Variants in RUFY2 observed in about 807,000 individuals in gnomAD.
The protein encoded by RUFY2 is RUN and FYVE domain-containing protein 2.
In RUFY2, 49 loss-of-function variants were observed where a neutral mutation model predicts 94.4. That is an observed-to-expected ratio of 0.52 (90% CI 0.41 to 0.66). The LOEUF (loss-of-function observed/expected upper bound fraction) is 0.66. RUFY2 is among the 30% of genes least tolerant of loss of function. The pLI is 0.00. For synonymous variants in RUFY2, 255 were observed against 235.7 expected (o/e 1.08, Z -0.75); for missense variants, 541 against 692.8 (o/e 0.78, Z 2.46).
intron 7 of RUFY2, 82 bp from the exon 8 acceptor site, chr10:68,386,210 T>G: frequency 8.8e-7 from 1 of 1,133,310 alleles, no homozygotes; most frequent in Non-Finnish European, 1.3e-6. Context: ...CTAGATTTAC[T>G]ATGTTTACTG....
chr10:68,390,497 C>T (rs1015150932), intron 7 of RUFY2, among the ~76,000 whole-genome samples: 1 of 152,066 alleles, frequency 6.6e-6, no homozygotes, highest in African/African-American at 2.4e-5. Context: ...GTATGGCCGC[C>T]ATGAGCCACA....
At chr10:68,379,033 T>C (rs576787974) in intron 12 of RUFY2, 2 of 274,494 alleles carry the variant, frequency 7.3e-6, no homozygotes, top group African/African-American at 4.5e-5. Context: ...GAATGCTTGA[T>C]TTCAGATAAA....
Position 68,403,968 on chromosome 10 carries a change from G to A in RUFY2, c.178+703C>T, listed in dbSNP as rs114777251. 8.2e-3 allele frequency among the ~76,000 whole-genome samples: 1,244 copies of A among 152,068 alleles called. 26 individuals are homozygous for A. Among genetic ancestry groups the A allele is most frequent in the African/African-American group, 0.028 (1,154 of 41,472 alleles). On this transcript the variant is annotated intron_variant, in intron 2 of 17. Coordinates refer to ENST00000602465, the MANE Select transcript of RUFY2 (RefSeq NM_001330103.2). ...CTGGGATTACAGGCATTAAGCCACCGTGTCTGGCCAGTCAAGCTTCTTTTA... is the reference window on the plus strand; with the variant it reads ...CTGGGATTACAGGCATTAAGCCACCATGTCTGGCCAGTCAAGCTTCTTTTA...
chr10:68,344,228 G>GA lies in RUFY2; in HGVS notation c.*1539dup, dbSNP rs978903265. The GA allele has an allele frequency of 5.3e-5, 8 of 152,162 alleles. No individual in the cohort carries two copies. Among genetic ancestry groups the GA allele is most frequent in the African/African-American group, 1.9e-4 (8 of 41,512 alleles). The allele number at this position is 152,162 out of a possible 1,614,324, so 9.4% of individuals were successfully genotyped here. On this transcript the variant is annotated 3_prime_UTR_variant, in exon 18 of 18. Transcript: ENST00000602465. Reference sequence around the variant, plus strand: ...ATTCATTTCATACTTAGGCTATTCAGAAAAATTTAAATTTCATGGAAGCAT... The same window carrying GA: ...ATTCATTTCATACTTAGGCTATTCAGAAAAAATTTAAATTTCATGGAAGCAT...
Position 68,407,191 on chromosome 10 carries a change from G to T in RUFY2, c.-2C>A, listed in dbSNP as rs1409888896. On this transcript the variant is annotated 5_prime_UTR_variant, in exon 1 of 18. Transcript: ENST00000602465. Reference sequence around the variant, plus strand: ...TTTCGGCCCGCTCGCCTTACCCATGGCGGCGGCGGCTGCGCGGTCTCGGGC... The same window carrying T: ...TTTCGGCCCGCTCGCCTTACCCATGTCGGCGGCGGCTGCGCGGTCTCGGGC... The T allele has an allele frequency of 1.4e-6, 2 of 1,399,332 alleles. No individual in the cohort carries two copies. Among genetic ancestry groups the T allele is most frequent in the East Asian group, 3.0e-5 (1 of 33,322 alleles). 86.7% of individuals were successfully genotyped at this position (1,399,332 alleles called of 1,614,324 possible).
chr10:68,347,461 T>C (rs994887464), intron 16 of RUFY2, among the ~76,000 whole-genome samples: 4 of 151,954 alleles, frequency 2.6e-5, no homozygotes, highest in African/African-American at 9.7e-5. Flanking sequence ...TTTTTGTATT[T>C]TTAGTAGAGA....
Position 68,384,048 on chromosome 10 carries a change from T to C in RUFY2, c.822+3A>G, listed in dbSNP as rs564826721. The C allele has an allele frequency of 4.3e-6, 7 of 1,610,308 alleles. No individual in the cohort carries two copies. The African/African-American group carries it at 8.0e-5, about 18-fold the overall frequency. ...TGTCTGCTTGAAAGCAGTCTATACT[T>C]ACCTCTAGGTGCTGCTGTGTTTTCA... On this transcript the variant is annotated splice_donor_region_variant and intron_variant, in intron 9 of 17. Transcript: ENST00000602465.
At chr10:68,347,003 C>T (rs2046322182) in intron 16 of RUFY2, among the ~76,000 whole-genome samples, 1 of 152,084 alleles carries the variant, frequency 6.6e-6, no homozygotes, top group South Asian at 2.1e-4. Context: ...CCCATAGTCC[C>T]AGCTACTCTG....
chr10:68,393,839 G>GT (rs1229670084), intron 6 of RUFY2: 45 of 733,062 alleles, frequency 6.1e-5, no homozygotes, highest in Non-Finnish European at 8.5e-5. Flanking sequence ...ATGGGTCTCA[G>GT]TAACTACAGG....
chr10:68,407,006 G>A (rs942685587), intron 1 of RUFY2, 180 bp downstream of exon 1: 2 of 1,498,972 alleles, frequency 1.3e-6, no homozygotes, highest in East Asian at 2.5e-5. Context: ...GAGGGGGCGC[G>A]TTGCCATGAC....
chr10:68,407,074 G>C (rs1478994242), intron 1 of RUFY2, 112 bp downstream of exon 1: 2 of 1,492,630 alleles, frequency 1.3e-6, no homozygotes, highest in South Asian at 1.3e-5. Context: ...TCGGGCCCCA[G>C]TTCCGACTGG....
At chr10:68,393,370 C>A (rs775646388) in intron 6 of RUFY2, among the ~76,000 whole-genome samples, 167 bp from the exon 7 acceptor site, 4 of 151,918 alleles carry the variant, frequency 2.6e-5, no homozygotes, top group African/African-American at 9.7e-5. Flanking sequence ...TATCTATAAC[C>A]TTTGTTGAAT....
chr10:68,394,913 G>A (rs1406775453), intron 4 of RUFY2, among the ~76,000 whole-genome samples: 2 of 151,996 alleles, frequency 1.3e-5, no homozygotes, highest in African/African-American at 2.4e-5. Flanking sequence ...ACAGGCGTGA[G>A]CCACCGCGCC....
rs758015935 is a variant in RUFY2, at chr10:68,345,990, C to T, written c.1677+17G>A. ...TTTGCACTCCAAATTTTTGGACTCA[C>T]TTCTTATCTCCCTTACCTTTCTCTT... On this transcript the variant is annotated intron_variant, in intron 17 of 17. Transcript: ENST00000602465. 7 of 1,612,720 alleles carry T rather than the reference C, an allele frequency of 4.3e-6. No homozygotes were observed. Among genetic ancestry groups the T allele is most frequent in the Non-Finnish European group, 5.9e-6 (7 of 1,179,384 alleles).
Position 68,381,317 on chromosome 10 carries a change from T to C in RUFY2, c.1022A>G (p.His341Arg), listed in dbSNP as rs768706746. The C allele has an allele frequency of 6.2e-7, 1 of 1,614,088 alleles. No individual in the cohort carries two copies. The highest frequency in any genetic ancestry group is 8.5e-7 in the Non-Finnish European group (1 of 1,179,968). Residue 341 changes from histidine to arginine, a missense_variant, in exon 11 of 18, where the codon CAT (histidine) becomes CGT (arginine). Around this residue, in one of 3 missense-constraint regions of RUFY2, gnomAD observed 403 missense variants for 480.7 expected, o/e 0.84. Coordinates refer to ENST00000602465, the MANE Select transcript of RUFY2 (RefSeq NM_001330103.2). ...LAMKLLEKDI[H>R]EKQDTLIGLR... Reference sequence around the variant, plus strand: ...GCCTATCAGAGTATCTTGTTTCTCATGGATATCTTTCTCCAGCAACTTCAT... The same window carrying C: ...GCCTATCAGAGTATCTTGTTTCTCACGGATATCTTTCTCCAGCAACTTCAT...
At chr10:68,391,060 G>T (rs564273780) in intron 7 of RUFY2, among the ~76,000 whole-genome samples, 2 of 150,858 alleles carry the variant, frequency 1.3e-5, no homozygotes, top group Non-Finnish European at 1.5e-5. Context: ...TCAGCCTCCC[G>T]AGTAGCTGGA....
At chr10:68,379,568 T>C (rs776520117) in intron 11 of RUFY2, 47 bp from the exon 12 acceptor site, 47 of 1,349,742 alleles carry the variant, frequency 3.5e-5, no homozygotes, top group South Asian at 3.1e-4. Flanking sequence ...TGTGTGTGTG[T>C]GTTTGTGTGT....
chr10:68,383,736 C>A lies in RUFY2; in HGVS notation c.939+62G>T, dbSNP rs893637888. 4 of 1,144,900 alleles carry A rather than the reference C, an allele frequency of 3.5e-6. No homozygotes were observed. The African/African-American group carries it at 6.1e-5, about 17-fold the overall frequency. The allele number at this position is 1,144,900 out of a possible 1,614,324, so 70.9% of individuals were successfully genotyped here. A position where few individuals can be genotyped will look rare whatever the true frequency, so the allele number is the denominator to read the frequency against. ...AGGCTGAAAAAGATTTTAAATGGTG[C>A]TTGCTTGAGGGTAAATTACTCCCAG... On this transcript the variant is annotated intron_variant, in intron 10 of 17. Transcript: ENST00000602465.
intron 1 of RUFY2, chr10:68,406,691 CCT>C: frequency 7.0e-7 from 1 of 1,427,434 alleles, no homozygotes; most frequent in Non-Finnish European, 9.4e-7. Context: ...CTTCCTGCCC[CCT>C]CCCCCCAGCA....
Sources: gnomAD v4.1 joint callset for allele counts (sites outside exome capture counted in the v4.1 genomes callset) on GRCh38, gnomAD v4.1.1 for gene constraint, gnomAD v4.1.1 regional missense constraint, MANE v1.5 for transcripts, NCBI Gene and HGNC (gene_info 2026-07-23, HGNC 2026-07-21) for gene names.